Variants in PLS3 observed in about 807,000 individuals in gnomAD.
PLS3 encodes plastin-3.
A neutral mutation model predicts 46.5 loss-of-function variants in PLS3; 11 were observed. That is an observed-to-expected ratio of 0.24 (90% CI 0.15 to 0.39). PLS3 has a LOEUF of 0.39. PLS3 is among the 10% of genes least tolerant of loss of function. PLS3 has a pLI of 1.00. For missense variants in PLS3, 308 were observed against 461.8 expected, an observed-to-expected ratio of 0.67 and a Z score of 3.05; for synonymous variants, 167 against 162.2, an observed-to-expected ratio of 1.03 and a Z score of -0.22.
At chrX:115,605,178 T>G (rs2074478811) in intron 1 of PLS3, among the ~76,000 whole-genome samples, 1 of 111,988 alleles carries the variant, frequency 8.9e-6, no homozygotes, top group South Asian at 3.7e-4. Context: ...TATTCTGTTA[T>G]CCTGAAACAA....
At chrX:115,575,899 A>G (rs1319431100) in intron 1 of PLS3, among the ~76,000 whole-genome samples, 1 of 112,103 alleles carries the variant, frequency 8.9e-6, no homozygotes, top group African/African-American at 3.2e-5. Context: ...TTATTGTATA[A>G]TAAACATTTA....
At position 115,634,883 on chromosome X, in the gene PLS3, A is replaced by C; in HGVS notation, c.585A>C (p.Glu195Asp). The C allele has an allele frequency of 8.3e-7, 1 of 1,203,253 alleles. No homozygotes were observed. The highest frequency in any genetic ancestry group is 1.7e-5 in the African/African-American group (1 of 57,693). Residue 195 changes from glutamate to aspartate, a missense_variant and splice_region_variant, in exon 7 of 16, where the codon GAA (glutamate) becomes GAC (aspartate). By Grantham distance (45) the Glu-to-Asp change is conservative. Around this residue, in one of 2 missense-constraint regions of PLS3, gnomAD observed 271 missense variants for 435.7 expected, o/e 0.62. Transcript: ENST00000355899. Reference sequence around the variant, plus strand: ...TGTGTAATTTGGCTGTCTTGCAGGAAAACTTGAACTTGGCACTGAACTCTG... The same window carrying C: ...TGTGTAATTTGGCTGTCTTGCAGGACAACTTGAACTTGGCACTGAACTCTG... ...KKKLTPFIIQ[E>D]NLNLALNSAS...
chrX:115,616,330 T>A (rs1476372612), intron 2 of PLS3, among the ~76,000 whole-genome samples: 1 of 112,191 alleles, frequency 8.9e-6, no homozygotes, highest in Non-Finnish European at 1.9e-5. Context: ...TAACAAAAAA[T>A]TATCCAAAAT....
chrX:115,576,422 T>A (rs2147423368), intron 1 of PLS3, among the ~76,000 whole-genome samples: 1 of 111,306 alleles, frequency 9.0e-6, no homozygotes, highest in South Asian at 3.8e-4. Context: ...TAAAACAAAA[T>A]TAGCCAGGCA....
intron 1 of PLS3, among the ~76,000 whole-genome samples, chrX:115,569,355 A>C (rs1315178573): frequency 8.9e-6 from 1 of 111,917 alleles, no homozygotes; most frequent in Non-Finnish European, 1.9e-5. Flanking sequence ...GTGCCTATGA[A>C]CATTCAGTAT....
At chrX:115,585,084 G>C (rs1371323379) in intron 1 of PLS3, among the ~76,000 whole-genome samples, 1 of 110,332 alleles carries the variant, frequency 9.1e-6, no homozygotes, top group African/African-American at 3.3e-5. Context: ...AATTCAATTG[G>C]ATCAAGTTGT....
chrX:115,567,201 T>A (rs2074181119), intron 1 of PLS3, among the ~76,000 whole-genome samples: 1 of 111,440 alleles, frequency 9.0e-6, no homozygotes, highest in South Asian at 3.8e-4. Context: ...AAAATCAAGT[T>A]TTTCCTCCTC....
chrX:115,593,355 G>A, intron 1 of PLS3, among the ~76,000 whole-genome samples: 1 of 109,882 alleles, frequency 9.1e-6, no homozygotes, highest in Non-Finnish European at 1.9e-5. Flanking sequence ...AAAGGAAGAA[G>A]AAAAAAGAAA....
intron 5 of PLS3, among the ~76,000 whole-genome samples, 159 bp downstream of exon 5, chrX:115,630,126 A>C (rs1439836408): frequency 1.3e-4 from 15 of 111,750 alleles, no homozygotes; most frequent in African/African-American, 4.9e-4. Flanking sequence ...AGGTCTGTCC[A>C]TGAATCTAAA....
At chrX:115,603,639 G>T (rs1415861505) in intron 1 of PLS3, among the ~76,000 whole-genome samples, 9 of 110,429 alleles carry the variant, frequency 8.2e-5, no homozygotes, top group Non-Finnish European at 1.7e-4. Flanking sequence ...CTTTTGCTTG[G>T]TGGCACACAT....
At chrX:115,631,223 AT>A (rs2074772086) in intron 5 of PLS3, among the ~76,000 whole-genome samples, 1 of 105,624 alleles carries the variant, frequency 9.5e-6, no homozygotes, top group Admixed American at 1.1e-4. Flanking sequence ...ACCCGGCTAA[AT>A]TTTTTTATTA....
intron 1 of PLS3, among the ~76,000 whole-genome samples, chrX:115,578,473 C>T (rs934202985): frequency 9.9e-5 from 11 of 111,029 alleles, no homozygotes; most frequent in African/African-American, 3.6e-4. Context: ...CGCCTGTAAT[C>T]CCAGCACTTT....
intron 1 of PLS3, among the ~76,000 whole-genome samples, chrX:115,582,463 T>A (rs782036203): frequency 1.5e-4 from 17 of 112,383 alleles, no homozygotes; most frequent in Middle Eastern, 4.6e-3. Flanking sequence ...TGTTTATGGA[T>A]TCAATTCCCT....
chrX:115,649,364 G>C (rs1313508446), intron 15 of PLS3, 65 bp from the exon 16 acceptor site: 1 of 894,066 alleles, frequency 1.1e-6, no homozygotes, highest in Non-Finnish European at 1.5e-6. Context: ...TGAGGAAATA[G>C]ATGTCTTACG....
Position 115,610,306 on chromosome X carries a change from A to G in PLS3, c.56A>G (p.Glu19Gly). The stretch of plus-strand genomic sequence containing the variant: ...AAAGATGAGCTTGATGAACTCAAAG[A>G]GGCCTTTGCAAAAGTTGGTGAGTAT... ...ISKDELDELKEAFAKVDLNSN... is the reference protein window; with the variant it reads ...ISKDELDELKGAFAKVDLNSN... The change falls in exon 2 of 16, where the codon GAG (glutamate) becomes GGG (glycine). Residue 19 changes from glutamate (E) to glycine (G), a missense_variant. This residue lies in a region of PLS3 where 37 missense variants were observed against 26.1 expected (regional missense o/e 1.42). Transcript: ENST00000355899. The G allele has an allele frequency of 8.8e-7, 1 of 1,141,212 alleles. No individual in the cohort carries two copies. The allele number at this position is 1,141,212 out of a possible 1,213,427, so 94.0% of individuals were successfully genotyped here. A position where few individuals can be genotyped will look rare whatever the true frequency, so the allele number is the denominator to read the frequency against.
chrX:115,614,211 C>G (rs923563053), intron 2 of PLS3: 1 of 271,518 alleles, frequency 3.7e-6, no homozygotes, highest in East Asian at 2.3e-4. Flanking sequence ...CCTCGTGATC[C>G]GCCCGTCTCG....
At chrX:115,572,869 G>A (rs1195004686) in intron 1 of PLS3, among the ~76,000 whole-genome samples, 1 of 110,883 alleles carries the variant, frequency 9.0e-6, no homozygotes, top group Non-Finnish European at 1.9e-5. Context: ...CGAGGCAAGT[G>A]GATACCTGTG....
Position 115,650,513 on chromosome X carries a change from T to C in PLS3, c.*952T>C, listed in dbSNP as rs1556642399. 8.9e-6 allele frequency: 1 copy of C among 112,056 alleles called. No homozygotes were observed. The highest frequency in any genetic ancestry group is 1.9e-5 in the Non-Finnish European group (1 of 53,170). 9.2% of individuals were successfully genotyped at this position (112,056 alleles called of 1,213,427 possible). On this transcript the variant is annotated 3_prime_UTR_variant, in exon 16 of 16. Transcript: ENST00000355899. ...TAATTTTACACCTGAAACAAAGAAA[T>C]GTGGTCACTAAAAATAAAAGTATAT...
chrX:115,644,994 A>C (rs1556641483), intron 10 of PLS3, 27 bp from the exon 11 acceptor site: 2 of 952,133 alleles, frequency 2.1e-6, no homozygotes, highest in Admixed American at 2.2e-5. Context: ...TTAATGAATC[A>C]GTAAATTTTG....
Sources: allele counts gnomAD v4.1 joint callset (sites outside exome capture counted in the v4.1 genomes callset), GRCh38; gene constraint gnomAD v4.1.1; regional missense constraint gnomAD v4.1.1; transcripts MANE v1.5; gene names NCBI Gene and HGNC (gene_info 2026-07-23, HGNC 2026-07-21).